GATM: variants seen among roughly 807,000 people sequenced by gnomAD.
The protein encoded by GATM is glycine amidinotransferase.
A neutral mutation model predicts 54.2 loss-of-function variants in GATM; 23 were observed. That is an observed-to-expected ratio of 0.42 (90% CI 0.31 to 0.60). The LOEUF (loss-of-function observed/expected upper bound fraction) is 0.60. Ranked by LOEUF, GATM falls within the 20% of genes least tolerant of loss-of-function variation. GATM has a pLI of 0.14. For synonymous variants in GATM, 168 were observed against 183.1 expected, an observed-to-expected ratio of 0.92 and a Z score of 0.67; for missense variants, 401 against 544.9, an observed-to-expected ratio of 0.74 and a Z score of 2.63.
chr15:45,384,429 T>G (rs1889781066), intron 3 of GATM, among the ~76,000 whole-genome samples: 1 of 152,042 alleles, frequency 6.6e-6, no homozygotes, highest in South Asian at 2.1e-4. Context: ...CTAAACAAGC[T>G]CAGGTATAGC....
rs750754626 is a variant in GATM at position 45,363,912 on chromosome 15, A to C, written c.1147T>G (p.Phe383Val). Residue 383 changes from phenylalanine to valine, a missense_variant, in exon 8 of 9, where the codon TTT becomes GTT. Transcript: ENST00000396659. ...TTGTTGTACATACCCAGCTTTTCAA[A>C]CATCTTTTGAATTGGAACTTCATTG... ...DANEVPIQKMFEKLGITTIKV... is the reference protein window; with the variant it reads ...DANEVPIQKMVEKLGITTIKV... 1.2e-6 allele frequency: 2 copies of C among 1,605,170 alleles called. No homozygotes were observed. Among genetic ancestry groups the C allele is most frequent in the Non-Finnish European group, 1.7e-6 (2 of 1,172,364 alleles).
Position 45,368,382 on chromosome 15 carries a change from C to T in GATM, c.485-122G>A, listed in dbSNP as rs552649977. On this transcript the variant is annotated intron_variant, in intron 3 of 8. Transcript: ENST00000396659. The surrounding 1 kb of genome is among the most constrained non-coding windows in gnomAD (Gnocchi z 5.1). The stretch of plus-strand genomic sequence containing the variant: ...ATCCCACCACTTTGGGAGGCCAAGA[C>T]GGGCGGATCACTTGATCCTCTTCAA... The T allele has an allele frequency of 2.4e-4, 192 of 794,878 alleles. No homozygotes were observed. The highest frequency in any genetic ancestry group is 1.3e-3 in the Admixed American group (63 of 49,724). The allele number at this position is 794,878 out of a possible 1,614,324, so 49.2% of individuals were successfully genotyped here.
intron 3 of GATM, among the ~76,000 whole-genome samples, chr15:45,395,155 T>C (rs1889914439): frequency 6.6e-6 from 1 of 152,206 alleles, no homozygotes; most frequent in Non-Finnish European, 1.5e-5. Context: ...TGAGAATTAA[T>C]ATGAATAAGC....
At chr15:45,362,522 G>T (rs1889381279) in intron 8 of GATM, among the ~76,000 whole-genome samples, 1 of 152,124 alleles carries the variant, frequency 6.6e-6, no homozygotes, top group Non-Finnish European at 1.5e-5. Flanking sequence ...AAATCTCAAG[G>T]CCTTTTAGAA....
intron 2 of GATM, among the ~76,000 whole-genome samples, chr15:45,398,299 T>C (rs564764627): frequency 1.9e-4 from 29 of 152,292 alleles, no homozygotes; most frequent in African/African-American, 6.7e-4. Flanking sequence ...ACCAACATCA[T>C]AGGGAAAAAT....
At chr15:45,387,020 C>T (rs1013795979) in intron 3 of GATM, among the ~76,000 whole-genome samples, 3 of 152,224 alleles carry the variant, frequency 2.0e-5, no homozygotes, top group South Asian at 4.1e-4. Flanking sequence ...AAACTGAATA[C>T]GAAGACCATA....
intron 3 of GATM, among the ~76,000 whole-genome samples, chr15:45,388,868 C>T (rs1213904564): frequency 6.6e-6 from 1 of 152,026 alleles, no homozygotes; most frequent in Non-Finnish European, 1.5e-5. Flanking sequence ...ATTGAGTCTC[C>T]GAGACCAACT....
At chr15:45,375,622 G>C (rs188847207) in intron 2 of GATM, among the ~76,000 whole-genome samples, 11 of 152,252 alleles carry the variant, frequency 7.2e-5, no homozygotes, top group African/African-American at 2.6e-4. Flanking sequence ...AATATTAGAG[G>C]ATAGAGGGAC....
In GATM at chr15:45,376,633, C is replaced by T; in HGVS notation, c.256G>A (p.Ala86Thr). Reference sequence around the variant, plus strand: ...TCGATGGTGAACGGTGGAACACAGGCGTTTTCTGCTCTGCCCACTATCACT... The same window carrying T: ...TCGATGGTGAACGGTGGAACACAGGTGTTTTCTGCTCTGCCCACTATCACT... Reference protein sequence around the residue: ...EEVIVGRAENACVPPFTIEVK... With the variant: ...EEVIVGRAENTCVPPFTIEVK... The change falls in exon 2 of 9, where the codon GCC becomes ACC. Residue 86 changes from alanine (A) to threonine (T), a missense_variant. By Grantham distance (58) the Ala-to-Thr change is moderately conservative (BLOSUM62 0). This residue lies in a region of GATM where 321 missense variants were observed against 457.5 expected (regional missense o/e 0.70). Transcript: ENST00000396659. 6.2e-7 allele frequency: 1 copy of T among 1,614,136 alleles called. No individual in the cohort carries two copies. The highest frequency in any genetic ancestry group is 8.5e-7 in the Non-Finnish European group (1 of 1,180,028).
intron 8 of GATM, among the ~76,000 whole-genome samples, chr15:45,362,719 C>T (rs1889383545): frequency 6.6e-6 from 1 of 152,170 alleles, no homozygotes; most frequent in African/African-American, 2.4e-5. Flanking sequence ...GTTTTAATAT[C>T]TGGGTTTGTA....
intron 3 of GATM, among the ~76,000 whole-genome samples, chr15:45,395,158 G>C (rs1229291590): frequency 2.0e-5 from 3 of 152,178 alleles, no homozygotes; most frequent in Non-Finnish European, 4.4e-5. Context: ...GAATTAATAT[G>C]AATAAGCCAT....
intron 2 of GATM, among the ~76,000 whole-genome samples, chr15:45,370,842 C>G (rs1023755802): frequency 2.0e-5 from 3 of 152,210 alleles, no homozygotes; most frequent in Non-Finnish European, 4.4e-5. Flanking sequence ...ACCATCTCAG[C>G]TCACTGCAAC....
At position 45,399,597 on chromosome 15, in the gene GATM, T is replaced by A. The variant is rs1306023709; in HGVS notation, c.-529-2A>T. 4 of 155,914 alleles carry A rather than the reference T, an allele frequency of 2.6e-5. No homozygotes were observed. Among genetic ancestry groups the A allele is most frequent in the African/African-American group, 9.6e-5 (4 of 41,512 alleles). The allele number at this position is 155,914 out of a possible 1,614,324, so 9.7% of individuals were successfully genotyped here. On this transcript the variant is annotated splice_acceptor_variant, in intron 1 of 4. Transcript: ENST00000561148. LOFTEE classifies it low-confidence loss of function (5UTR_SPLICE). ...TCTTTGACTTCCCAGCCTCCAGAAC[T>A]GTAAAAAATAAATTGCTGTCATTTA...
intron 2 of GATM, among the ~76,000 whole-genome samples, chr15:45,371,658 T>C (rs1268280706): frequency 3.9e-5 from 6 of 152,206 alleles, no homozygotes; most frequent in Non-Finnish European, 1.5e-5. Context: ...TTGCTAGCTA[T>C]CTGGACAAGC....
chr15:45,373,661 C>T (rs1044662853), intron 2 of GATM, among the ~76,000 whole-genome samples: 3 of 152,140 alleles, frequency 2.0e-5, no homozygotes, highest in Non-Finnish European at 4.4e-5. Flanking sequence ...CTTCCAACAT[C>T]TTCTGCTCTG....
Position 45,362,092 on chromosome 15 carries a change from A to G in GATM, c.*17T>C. On this transcript the variant is annotated 3_prime_UTR_variant, in exon 9 of 9. Coordinates refer to ENST00000396659, the MANE Select transcript of GATM (RefSeq NM_001482.3). ...TTAGGTGTATCTGAGGCCAGCCACA[A>G]GCTCCATCAGGCCTGTTCAGTCCAA... 2.7e-6 allele frequency: 4 copies of G among 1,499,672 alleles called. No homozygotes were observed. Among genetic ancestry groups the G allele is most frequent in the Non-Finnish European group, 3.7e-6 (4 of 1,077,482 alleles). 92.9% of individuals were successfully genotyped at this position (1,499,672 alleles called of 1,614,324 possible). A position where few individuals can be genotyped will look rare whatever the true frequency, so the allele number is the denominator to read the frequency against.
At chr15:45,392,023 A>G (rs1228772456) in intron 3 of GATM, among the ~76,000 whole-genome samples, 1 of 152,234 alleles carries the variant, frequency 6.6e-6, no homozygotes, top group African/African-American at 2.4e-5. Context: ...AAGCTGTATG[A>G]CCTTGTGTAA....
intron 3 of GATM, among the ~76,000 whole-genome samples, chr15:45,392,369 G>C (rs764040839): frequency 9.9e-5 from 15 of 152,204 alleles, no homozygotes; most frequent in African/African-American, 3.4e-4. Context: ...GTGTATGCAC[G>C]TGCGTGTGCG....
chr15:45,377,166 C>T (rs1889652864), intron 1 of GATM: 1 of 461,730 alleles, frequency 2.2e-6, no homozygotes, highest in Admixed American at 2.5e-5. Context: ...GGTCAGTCCT[C>T]CTCTCAGAAA....
Sources: gnomAD v4.1 joint callset for allele counts (sites outside exome capture counted in the v4.1 genomes callset) on GRCh38, gnomAD v4.1.1 for gene constraint, gnomAD v4.1.1 regional missense constraint, Gnocchi (gnomAD v3.1) non-coding constraint, MANE v1.5 for transcripts, NCBI Gene and HGNC (gene_info 2026-07-23, HGNC 2026-07-21) for gene names.